The following PALM2AKAP2 variants were observed in gnomAD, a reference collection of about 807,000 sequenced individuals.
PALM2AKAP2 encodes PALM2 and AKAP2 fusion.
Under a neutral mutation model 71.5 loss-of-function variants are expected in PALM2AKAP2, and 37 were observed. The observed-to-expected ratio is 0.52, with a 90% CI of 0.40 to 0.68. The LOEUF (loss-of-function observed/expected upper bound fraction) is 0.68, where lower values mean the gene tolerates loss of function less well. Among genes scored for constraint, PALM2AKAP2 ranks in the 30% least tolerant of loss-of-function variants. The pLI, the probability that PALM2AKAP2 is intolerant of heterozygous loss-of-function variation, is 0.00. For missense variants in PALM2AKAP2, 1,224 were observed against 1,191.8 expected (o/e 1.03, Z -0.40); for synonymous variants, 468 against 478.8 (o/e 0.98, Z 0.29).
intron 1 of PALM2AKAP2, among the ~76,000 whole-genome samples, chr9:109,767,610 C>T (rs1272416229): frequency 6.6e-6 from 1 of 152,194 alleles, no homozygotes; most frequent in African/African-American, 2.4e-5. Context: ...GTGGGGCCAC[C>T]CTCTGGCCTC....
intron 1 of PALM2AKAP2, among the ~76,000 whole-genome samples, chr9:109,646,243 G>A (rs1298725952): frequency 6.6e-6 from 1 of 152,124 alleles, no homozygotes; most frequent in Non-Finnish European, 1.5e-5. Context: ...GGTGGGTTGG[G>A]TATGAGATCC....
intron 1 of PALM2AKAP2, among the ~76,000 whole-genome samples, chr9:109,691,203 ACATG>A (rs1227922070): frequency 1.1e-4 from 17 of 150,818 alleles, no homozygotes; most frequent in African/African-American, 4.0e-4. Flanking sequence ...ACACACACAC[ACATG>A]CACACACAGC....
At chr9:109,942,934 C>A (rs1235852235) in intron 6 of PALM2AKAP2, 3 of 1,613,998 alleles carry the variant, frequency 1.9e-6, no homozygotes, top group African/African-American at 1.3e-5. Flanking sequence ...AGGAGGAGGG[C>A]ACGTGTCTGA....
chr9:109,970,132 A>G (rs1397342191), intron 6 of PALM2AKAP2, among the ~76,000 whole-genome samples: 1 of 152,186 alleles, frequency 6.6e-6, no homozygotes, highest in East Asian at 1.9e-4. Context: ...TATCTATGGT[A>G]AAGGATTAGG....
At chr9:109,943,003 G>A (rs745712835) in intron 6 of PALM2AKAP2, 1 of 1,614,198 alleles carries the variant, frequency 6.2e-7, no homozygotes, top group Non-Finnish European at 8.5e-7. Flanking sequence ...GCTCTGCAAA[G>A]AAGCTAAGTT....
At chr9:110,057,540 G>A (rs920115402) in intron 1 of PALM2AKAP2, among the ~76,000 whole-genome samples, 3 of 151,576 alleles carry the variant, frequency 2.0e-5, no homozygotes, top group Non-Finnish European at 2.9e-5. Flanking sequence ...CACCACGCCC[G>A]GCTAATTTCT....
At chr9:110,104,867 C>T (rs1375301376) in intron 1 of PALM2AKAP2, among the ~76,000 whole-genome samples, 1 of 152,220 alleles carries the variant, frequency 6.6e-6, no homozygotes, top group Non-Finnish European at 1.5e-5. Flanking sequence ...TTCTATCTTC[C>T]TGGAGTTACA....
intron 4 of PALM2AKAP2, 46 bp from the exon 5 acceptor site, chr9:109,925,015 A>G: frequency 6.2e-7 from 1 of 1,613,514 alleles, no homozygotes; most frequent in Non-Finnish European, 8.5e-7. Flanking sequence ...ATGGGATTGT[A>G]CCCCCACATG....
At chr9:109,762,738 G>A (rs1481024496) in intron 1 of PALM2AKAP2, among the ~76,000 whole-genome samples, 5 of 152,232 alleles carry the variant, frequency 3.3e-5, no homozygotes, top group East Asian at 1.9e-4. Flanking sequence ...CCTTGGAGCT[G>A]AGATAATGGG....
intron 1 of PALM2AKAP2, among the ~76,000 whole-genome samples, chr9:109,782,150 A>G (rs1484479854): frequency 2.6e-5 from 4 of 152,348 alleles, no homozygotes; most frequent in Admixed American, 2.0e-4. Context: ...AGTAGCTGCT[A>G]ACACTGGGGT....
intron 1 of PALM2AKAP2, among the ~76,000 whole-genome samples, chr9:109,802,914 A>G (rs945875743): frequency 6.6e-6 from 1 of 152,132 alleles, no homozygotes; most frequent in Non-Finnish European, 1.5e-5. Flanking sequence ...CTCAGTGCAG[A>G]CTACTGTGAT....
At chr9:109,642,061 G>A (rs917920441) in intron 1 of PALM2AKAP2, among the ~76,000 whole-genome samples, 4 of 152,124 alleles carry the variant, frequency 2.6e-5, no homozygotes, top group African/African-American at 4.8e-5. Context: ...TGGAAACAAA[G>A]ATGTTCCTTA....
intron 1 of PALM2AKAP2, among the ~76,000 whole-genome samples, chr9:109,691,927 CATAT>C (rs202186589): frequency 1.0e-5 from 1 of 97,258 alleles, no homozygotes; most frequent in Admixed American, 1.0e-4. Flanking sequence ...TATATATACA[CATAT>C]ATATATATAC....
chr9:109,880,540 C>T lies in PALM2AKAP2; in HGVS notation c.127-11C>T. On this transcript the variant is annotated splice_polypyrimidine_tract_variant and intron_variant, in intron 2 of 9. Transcript: ENST00000302798. Reference sequence around the variant, plus strand: ...TATCATCTTGTCTGTTGTCTTCCCTCACTTCCACAGTCCAAAGTGCTTCGG... The same window carrying T: ...TATCATCTTGTCTGTTGTCTTCCCTTACTTCCACAGTCCAAAGTGCTTCGG... 1 of 1,612,242 alleles carries T rather than the reference C, an allele frequency of 6.2e-7. No individual in the cohort carries two copies. Among genetic ancestry groups the T allele is most frequent in the African/African-American group, 1.3e-5 (1 of 74,996 alleles).
exon 4 of PALM2AKAP2, chr9:109,923,736 C>T: frequency 6.3e-7 from 1 of 1,592,442 alleles, no homozygotes; most frequent in Non-Finnish European, 8.5e-7. Context: ...GTTTTCCAGG[C>T]TGGAGCAAGA....
chr9:109,749,469 C>T (rs1277696528), intron 1 of PALM2AKAP2, among the ~76,000 whole-genome samples: 1 of 150,728 alleles, frequency 6.6e-6, no homozygotes, highest in Non-Finnish European at 1.5e-5. Flanking sequence ...ATTTTCTTAC[C>T]TAAGAAATGT....
intron 3 of PALM2AKAP2, among the ~76,000 whole-genome samples, chr9:109,922,839 G>T (rs1830865759): frequency 6.6e-6 from 1 of 152,314 alleles, no homozygotes; most frequent in Admixed American, 6.5e-5. Flanking sequence ...TTGCTTCAAG[G>T]CTCTGTGGCA....
chr9:109,968,226 GC>G (rs1831993380), intron 6 of PALM2AKAP2, among the ~76,000 whole-genome samples: 1 of 152,208 alleles, frequency 6.6e-6, no homozygotes, highest in Non-Finnish European at 1.5e-5. Context: ...GGCCACCATG[GC>G]CCTGGGGGTC....
intron 3 of PALM2AKAP2, among the ~76,000 whole-genome samples, chr9:109,906,245 C>A (rs1213616284): frequency 6.6e-6 from 1 of 152,234 alleles, no homozygotes; most frequent in African/African-American, 2.4e-5. Context: ...GTCACCCAGG[C>A]TGGAGTGCAG....
Sources: allele counts gnomAD v4.1 joint callset (sites outside exome capture counted in the v4.1 genomes callset), GRCh38; gene constraint gnomAD v4.1.1; transcripts MANE v1.5; gene names NCBI Gene and HGNC (gene_info 2026-07-23, HGNC 2026-07-21).